The following LZTFL1 variants were observed in gnomAD, a reference collection of about 807,000 sequenced individuals.
LZTFL1 encodes the protein leucine zipper transcription factor-like protein 1.
In LZTFL1, 25 loss-of-function variants were observed where a neutral mutation model predicts 45.9. That is an observed-to-expected ratio of 0.54 (90% CI 0.40 to 0.76). LZTFL1 has a LOEUF of 0.76. LZTFL1 is among the 30% of genes least tolerant of loss of function. The probability of loss-of-function intolerance (pLI) is 0.00; values close to 1 mark genes in which losing one functional copy is unlikely to be tolerated. For synonymous variants in LZTFL1, 93 were observed against 117.4 expected (o/e 0.79, Z 1.35); for missense variants, 277 against 331.1 (o/e 0.84, Z 1.27).
intron 1 of LZTFL1, chr3:45,915,341 C>T (rs568406202): frequency 2.0e-5 from 7 of 346,132 alleles, no homozygotes; most frequent in South Asian, 4.3e-5. Flanking sequence ...ATCCCCGCAC[C>T]GCCCACCTCC....
At chr3:45,914,552 G>A (rs1452314648) in intron 1 of LZTFL1, among the ~76,000 whole-genome samples, 1 of 152,090 alleles carries the variant, frequency 6.6e-6, no homozygotes, top group East Asian at 1.9e-4. Flanking sequence ...GGGATTATAG[G>A]CATGAGCCAC....
chr3:45,841,979 G>C lies in LZTFL1; in HGVS notation c.3+10C>G. The C allele has an allele frequency of 6.2e-7, 1 of 1,611,538 alleles. No homozygotes were observed. Among genetic ancestry groups the C allele is most frequent in the Non-Finnish European group, 8.5e-7 (1 of 1,179,504 alleles). On this transcript the variant is annotated intron_variant, in intron 1 of 9. Coordinates refer to ENST00000296135, the MANE Select transcript of LZTFL1 (RefSeq NM_020347.4). ...GTGCGCGGTGCGGCGCCTGAGGGTC[G>C]GTTACTCACCATGGCGGCAGGCAGC...
rs1477150068 is a variant in LZTFL1, at chr3:45,900,458, G to A, written c.-215+12662C>T. Among the ~76,000 whole-genome samples the A allele has an allele frequency of 6.6e-6, 1 of 152,054 alleles. No homozygotes were observed. Among genetic ancestry groups the A allele is most frequent in the Non-Finnish European group, 1.5e-5 (1 of 68,008 alleles). On this transcript the variant is annotated intron_variant, in intron 2 of 4. Coordinates refer to the LZTFL1 transcript ENST00000472635. The surrounding 1 kb of genome is among the most constrained non-coding windows in gnomAD (Gnocchi z 4.7). ...AAAACTGCCCATCAGTAGTGTGGAG[G>A]CACTCTTACCCCATCAGAGCACTTG...
chr3:45,911,436 T>A (rs1437910781), intron 2 of LZTFL1, among the ~76,000 whole-genome samples: 2 of 152,118 alleles, frequency 1.3e-5, no homozygotes, highest in African/African-American at 4.8e-5. Flanking sequence ...AGGCACAGAG[T>A]AGCTAAGTGA....
intron 2 of LZTFL1, among the ~76,000 whole-genome samples, chr3:45,895,670 C>T (rs1173024839): frequency 2.0e-5 from 3 of 150,990 alleles, no homozygotes; most frequent in South Asian, 2.1e-4. Context: ...GCCAAGATCA[C>T]GCCATTGCAC....
chr3:45,887,778 C>T (rs1175282654), intron 2 of LZTFL1, among the ~76,000 whole-genome samples: 1 of 152,236 alleles, frequency 6.6e-6, no homozygotes, highest in East Asian at 1.9e-4. Context: ...CCCTGTGCAG[C>T]CCCTGCTGGG....
intron 8 of LZTFL1, 114 bp downstream of exon 8, chr3:45,828,325 A>G (rs1700721369): frequency 2.2e-6 from 2 of 917,350 alleles, no homozygotes; most frequent in Non-Finnish European, 3.3e-6. Context: ...ACCTTGAGAA[A>G]AAATAATCTG....
intron 2 of LZTFL1, among the ~76,000 whole-genome samples, chr3:45,864,919 C>T (rs1351005352): frequency 6.6e-6 from 1 of 152,190 alleles, no homozygotes; most frequent in African/African-American, 2.4e-5. Flanking sequence ...TTGCCCTTCT[C>T]AGAATGACTA....
chr3:45,891,635 C>T (rs916950538), intron 2 of LZTFL1, among the ~76,000 whole-genome samples: 4 of 152,134 alleles, frequency 2.6e-5, no homozygotes, highest in African/African-American at 7.2e-5. Flanking sequence ...GCACTATCAT[C>T]GAATTCACAG....
rs146835760 is a variant in LZTFL1 at position 45,828,582 on chromosome 3, C to T, written c.634G>A (p.Glu212Lys). 7.8e-5 allele frequency: 126 copies of T among 1,613,892 alleles called. No homozygotes were observed. The highest frequency in any genetic ancestry group is 1.1e-4 in the Non-Finnish European group (126 of 1,179,976). The stretch of plus-strand genomic sequence containing the variant: ...CTCTTTAAGGCAGCGACAGTGTTTT[C>T]TAAGTTACTTAAGTCTTGGGCCTTT... ...FIKAQDLSNL[E>K]NTVAALKSEF... Residue 212 changes from glutamate to lysine, a missense_variant, in exon 8 of 10, where the codon GAA (glutamate) becomes AAA (lysine). Coordinates refer to ENST00000296135, the MANE Select transcript of LZTFL1 (RefSeq NM_020347.4).
chr3:45,835,496 A>G (rs915955785), intron 3 of LZTFL1, 94 bp downstream of exon 3: 1 of 1,230,018 alleles, frequency 8.1e-7, no homozygotes, highest in Non-Finnish European at 1.2e-6. Context: ...CTCACACACT[A>G]GCCCCAAGAA....
At chr3:45,849,534 C>T (rs1405685977) in intron 4 of LZTFL1, among the ~76,000 whole-genome samples, 1 of 152,174 alleles carries the variant, frequency 6.6e-6, no homozygotes, top group Admixed American at 6.5e-5. Flanking sequence ...CATATCTGGT[C>T]TAGTGCTACC....
intron 3 of LZTFL1, among the ~76,000 whole-genome samples, chr3:45,856,633 T>C (rs776878383): frequency 2.6e-5 from 4 of 152,044 alleles, no homozygotes; most frequent in African/African-American, 7.3e-5. Flanking sequence ...AATCGATCCA[T>C]CTAACAAAGG....
upstream of LZTFL1, among the ~76,000 whole-genome samples, chr3:45,844,475 C>T (rs1311130832): frequency 6.6e-6 from 1 of 151,872 alleles, no homozygotes; most frequent in East Asian, 1.9e-4. Flanking sequence ...AGGTGATACA[C>T]AGAAAATGTA....
chr3:45,901,385 C>T lies in LZTFL1; in HGVS notation c.-215+11735G>A, dbSNP rs1233420707. The T allele has an allele frequency of 1.2e-6, 2 of 1,614,062 alleles. No individual in the cohort carries two copies. Among genetic ancestry groups the T allele is most frequent in the African/African-American group, 2.7e-5 (2 of 74,922 alleles). On this transcript the variant is annotated intron_variant, in intron 2 of 4. Coordinates refer to the LZTFL1 transcript ENST00000472635. The surrounding 1 kb of genome is among the most constrained non-coding windows in gnomAD (Gnocchi z 4.3). The stretch of plus-strand genomic sequence containing the variant: ...AGGAATCCGGCATTGCTATCTGCAC[C>T]ATGGTTTACCCTAGCGATGAGAGCA...
intron 2 of LZTFL1, chr3:45,895,077 C>T: frequency 3.7e-6 from 4 of 1,074,582 alleles, no homozygotes; most frequent in Non-Finnish European, 5.8e-6. Context: ...GGTAAGATCT[C>T]TGCCTGGCAA....
chr3:45,890,256 G>GAAATATATACATATATTTATAT (rs1702107132), intron 2 of LZTFL1, among the ~76,000 whole-genome samples: 1 of 20,990 alleles, frequency 4.8e-5, no homozygotes, highest in African/African-American at 1.9e-4. Flanking sequence ...CTGGGTATTA[G>GAAATATATACATATATTTATAT]AAATATATAT....
At chr3:45,854,981 C>T (rs756160323) in intron 4 of LZTFL1, 1 of 1,526,682 alleles carries the variant, frequency 6.6e-7, no homozygotes. Flanking sequence ...CGCTTGTCAA[C>T]TTACAGAGCT....
intron 2 of LZTFL1, among the ~76,000 whole-genome samples, chr3:45,871,745 T>TGCAAAG (rs1373967229): frequency 6.6e-6 from 1 of 152,066 alleles, no homozygotes; most frequent in African/African-American, 2.4e-5. Context: ...CCCCAAAGAT[T>TGCAAAG]GCAAAGGCAA....
Sources: allele counts gnomAD v4.1 joint callset (sites outside exome capture counted in the v4.1 genomes callset), GRCh38; gene constraint gnomAD v4.1.1; non-coding constraint Gnocchi (gnomAD v3.1); transcripts MANE v1.5; gene names NCBI Gene and HGNC (gene_info 2026-07-23, HGNC 2026-07-21).